ADGRL3: variants seen among roughly 807,000 people sequenced by gnomAD.
The protein encoded by ADGRL3 is calcium-independent alpha-latrotoxin receptor 3.
A neutral mutation model predicts 153.5 loss-of-function variants in ADGRL3; 62 were observed. The ratio of observed to expected loss-of-function variants is 0.40; its 90% confidence interval spans 0.33 to 0.50. The LOEUF (loss-of-function observed/expected upper bound fraction) is 0.50. ADGRL3 is among the 20% of genes least tolerant of loss of function. The pLI, the probability that ADGRL3 is intolerant of heterozygous loss-of-function variation, is 0.47. For missense variants in ADGRL3, 1,641 were observed against 1,859.4 expected (o/e 0.88, Z 2.16); for synonymous variants, 710 against 672.5 (o/e 1.06, Z -0.86).
intron 13 of ADGRL3, among the ~76,000 whole-genome samples, chr4:61,913,680 G>A (rs2098732572): frequency 2.0e-5 from 3 of 152,056 alleles, no homozygotes; most frequent in Admixed American, 2.0e-4. Flanking sequence ...AGTAAAAATT[G>A]ATTTGTTTGT....
At position 61,896,963 on chromosome 4, in the gene ADGRL3, A is replaced by G. The variant is rs1405109469; in HGVS notation, c.1887+1129A>G. Among the ~76,000 whole-genome samples the G allele has an allele frequency of 2.0e-5, 3 of 152,368 alleles. No homozygotes were observed. In the East Asian group the frequency reaches 5.8e-4, roughly 29 times the overall value. ...TAGCCCAGGGGTGAATATAAATTCA[A>G]TAATAATTCTTCTAGAAAAGGCTGA... On this transcript the variant is annotated intron_variant, in intron 11 of 26. Coordinates refer to ENST00000683033, the MANE Select transcript of ADGRL3 (RefSeq NM_001387552.1).
At chr4:61,227,204 C>T (rs1748381824) in intron 1 of ADGRL3, among the ~76,000 whole-genome samples, 1 of 151,890 alleles carries the variant, frequency 6.6e-6, no homozygotes, top group African/African-American at 2.4e-5. Context: ...TCTTCTGGCA[C>T]CTCACTTTTT....
At chr4:61,760,899 C>T (rs917166500) in intron 8 of ADGRL3, among the ~76,000 whole-genome samples, 1 of 152,204 alleles carries the variant, frequency 6.6e-6, no homozygotes, top group Non-Finnish European at 1.5e-5. Flanking sequence ...TATTATTACT[C>T]AGATCAGTCT....
chr4:61,974,590 C>T (rs2099041469), intron 17 of ADGRL3, among the ~76,000 whole-genome samples: 1 of 152,110 alleles, frequency 6.6e-6, no homozygotes, highest in Non-Finnish European at 1.5e-5. Flanking sequence ...TCACAATATC[C>T]TGAAGCCTCA....
chr4:61,639,280 G>A (rs992813742), intron 5 of ADGRL3, among the ~76,000 whole-genome samples: 1 of 151,980 alleles, frequency 6.6e-6, no homozygotes, highest in African/African-American at 2.4e-5. Context: ...AAGTTTTTGA[G>A]GCCTTTGGTC....
At chr4:62,030,528 CTT>C (rs1399298676) in intron 22 of ADGRL3, among the ~76,000 whole-genome samples, 1 of 151,518 alleles carries the variant, frequency 6.6e-6, no homozygotes, top group Non-Finnish European at 1.5e-5. Flanking sequence ...CAATACATAA[CTT>C]AACCACAAAT....
intron 1 of ADGRL3, among the ~76,000 whole-genome samples, chr4:61,218,479 T>A (rs930529115): frequency 2.0e-5 from 3 of 152,038 alleles, no homozygotes; most frequent in African/African-American, 7.2e-5. Context: ...CCAGCTACTT[T>A]TTTTTTATTT....
At chr4:61,910,801 A>G (rs751642709) in intron 12 of ADGRL3, among the ~76,000 whole-genome samples, 4 of 151,786 alleles carry the variant, frequency 2.6e-5, no homozygotes, top group Non-Finnish European at 4.4e-5. Context: ...GTGTCTTACT[A>G]GGGTAAGAAT....
intron 11 of ADGRL3, among the ~76,000 whole-genome samples, chr4:61,899,000 A>G (rs1300388403): frequency 1.7e-5 from 2 of 121,040 alleles, no homozygotes; most frequent in South Asian, 5.1e-4. Flanking sequence ...TGGGAAAGGG[A>G]AGGAGCTGCC....
chr4:61,367,326 T>C (rs935138079), intron 1 of ADGRL3, among the ~76,000 whole-genome samples: 1 of 147,610 alleles, frequency 6.8e-6, no homozygotes, highest in Non-Finnish European at 1.5e-5. Context: ...CATGCTGGTG[T>C]GCTGCACCCA....
chr4:62,027,946 C>G (rs973198215), intron 21 of ADGRL3, among the ~76,000 whole-genome samples: 5 of 151,788 alleles, frequency 3.3e-5, no homozygotes, highest in Non-Finnish European at 5.9e-5. Flanking sequence ...AAATACCATT[C>G]TTTATTATTT....
intron 6 of ADGRL3, among the ~76,000 whole-genome samples, chr4:61,697,330 G>A (rs778213687): frequency 6.6e-6 from 1 of 152,132 alleles, no homozygotes; most frequent in South Asian, 2.1e-4. Context: ...GGAGGCTGAA[G>A]TAGGTGGATC....
intron 5 of ADGRL3, among the ~76,000 whole-genome samples, chr4:61,639,212 C>G (rs2150136752): frequency 6.6e-6 from 1 of 152,144 alleles, no homozygotes; most frequent in East Asian, 1.9e-4. Flanking sequence ...CTTCCAGTCC[C>G]CATTCCCCTA....
chr4:61,625,014 T>C (rs2092749303), intron 5 of ADGRL3, among the ~76,000 whole-genome samples: 2 of 152,102 alleles, frequency 1.3e-5, no homozygotes, highest in African/African-American at 4.8e-5. Context: ...ATGCAAATTA[T>C]TTTGAAAAAT....
In ADGRL3 at chr4:61,909,676, C is replaced by A; in HGVS notation, c.2004C>A (p.Gly668=). 1 of 1,605,428 alleles carries A rather than the reference C, an allele frequency of 6.2e-7. No homozygotes were observed. Among genetic ancestry groups the A allele is most frequent in the East Asian group, 2.2e-5 (1 of 44,528 alleles). ...YSVRAMDQLV[G]LLDVQLRNLT... is the part of the protein sequence containing the mutation. ...TCCGGGCCATGGACCAGCTGGTAGGCCTCCTAGATGTACAGCTTCGGAACT... is the reference window on the plus strand; with the variant it reads ...TCCGGGCCATGGACCAGCTGGTAGGACTCCTAGATGTACAGCTTCGGAACT... The change falls in exon 12 of 27, where the codon GGC becomes GGA. Residue 668 remains glycine (G), a synonymous_variant. Transcript: ENST00000683033.
chr4:61,494,927 T>A (rs1183090705), intron 2 of ADGRL3, among the ~76,000 whole-genome samples: 2 of 152,180 alleles, frequency 1.3e-5, no homozygotes, highest in Non-Finnish European at 2.9e-5. Context: ...GTTAAAATAA[T>A]TGCTAATGCT....
intron 21 of ADGRL3, 134 bp from the exon 22 acceptor site, chr4:62,028,721 A>G: frequency 5.1e-6 from 3 of 589,614 alleles, no homozygotes; most frequent in Non-Finnish European, 8.7e-6. Flanking sequence ...TTCTAGATAT[A>G]AAGGATAATG....
intron 22 of ADGRL3, among the ~76,000 whole-genome samples, chr4:62,030,138 A>G (rs1236635716): frequency 6.6e-6 from 1 of 151,612 alleles, no homozygotes; most frequent in Non-Finnish European, 1.5e-5. Flanking sequence ...GTAAATATTT[A>G]TAATTATTTT....
intron 5 of ADGRL3, among the ~76,000 whole-genome samples, chr4:61,645,959 A>C (rs756087664): frequency 1.3e-5 from 2 of 152,124 alleles, no homozygotes; most frequent in African/African-American, 4.8e-5. Context: ...ACATAGTCCC[A>C]TATTTCTTGG....
Sources: allele counts gnomAD v4.1 joint callset (sites outside exome capture counted in the v4.1 genomes callset), GRCh38; gene constraint gnomAD v4.1.1; transcripts MANE v1.5; gene names NCBI Gene and HGNC (gene_info 2026-07-23, HGNC 2026-07-21).